Variants in CDHR3 observed in about 807,000 individuals in gnomAD.
The protein encoded by CDHR3 is cadherin related family member 3.
Under a neutral mutation model 86.6 loss-of-function variants are expected in CDHR3, and 79 were observed. That is an observed-to-expected ratio of 0.91 (90% confidence interval 0.76 to 1.10). The LOEUF (loss-of-function observed/expected upper bound fraction) is 1.10, where lower values mean the gene tolerates loss of function less well. Among genes scored for constraint, CDHR3 ranks in the 50% least tolerant of loss-of-function variants. The probability of loss-of-function intolerance (pLI) is 0.00; values close to 1 mark genes in which losing one functional copy is unlikely to be tolerated. For missense variants in CDHR3, 1,081 were observed against 1,077.6 expected (o/e 1.00, Z -0.04); for synonymous variants, 421 against 402.4 (o/e 1.05, Z -0.55).
chr7:105,968,384 T>TG (rs1353376742), intron 1 of CDHR3, among the ~76,000 whole-genome samples: 2 of 152,234 alleles, frequency 1.3e-5, no homozygotes, highest in African/African-American at 4.8e-5. Flanking sequence ...TTTTTTGAGA[T>TG]GGAGTCTTGC....
chr7:106,031,090 C>A (rs1324354755), intron 18 of CDHR3, among the ~76,000 whole-genome samples: 1 of 152,194 alleles, frequency 6.6e-6, no homozygotes, highest in African/African-American at 2.4e-5. Flanking sequence ...TAAAGGCTCA[C>A]GTTCAAGGGC....
At chr7:105,993,496 C>T (rs6957068) in intron 4 of CDHR3, among the ~76,000 whole-genome samples, 1 of 151,258 alleles carries the variant, frequency 6.6e-6, no homozygotes, top group African/African-American at 2.4e-5. Flanking sequence ...ATGGTGAAAC[C>T]CTGTCTCTAC....
In CDHR3 at chr7:106,032,940, A is replaced by T; in HGVS notation, c.*243A>T. 1 of 510,716 alleles carries T rather than the reference A, an allele frequency of 2.0e-6. No homozygotes were observed. The highest frequency in any genetic ancestry group is 3.5e-6 in the Non-Finnish European group (1 of 288,136). 31.6% of individuals were successfully genotyped at this position (510,716 alleles called of 1,614,324 possible). On this transcript the variant is annotated 3_prime_UTR_variant, in exon 19 of 19. Coordinates refer to ENST00000317716, the MANE Select transcript of CDHR3 (RefSeq NM_152750.5). Reference sequence around the variant, plus strand: ...GATTTCAGAACTACCTGTGCTTCTGATAAGCAAGACTGTTAACTTTGGGGT... The same window carrying T: ...GATTTCAGAACTACCTGTGCTTCTGTTAAGCAAGACTGTTAACTTTGGGGT...
chr7:105,969,378 C>T (rs1276581186), intron 1 of CDHR3, among the ~76,000 whole-genome samples: 5 of 115,578 alleles, frequency 4.3e-5, no homozygotes, highest in Non-Finnish European at 8.2e-5. Context: ...CCAGCCTGGG[C>T]GACAGCGAGA....
chr7:106,032,566 C>T lies in CDHR3; in HGVS notation c.2527C>T (p.Leu843=), dbSNP rs764525526. 1 of 1,613,942 alleles carries T rather than the reference C, an allele frequency of 6.2e-7. No individual in the cohort carries two copies. Among genetic ancestry groups the T allele is most frequent in the Non-Finnish European group, 8.5e-7 (1 of 1,179,890 alleles). ...AAGTGCCAACTGGGAAGAAGATGAG[C>T]TGAGTGGCAAAGCGTGGGCTGAGGA... ...LRSANWEEDE[L]SGKAWAEDAG... The change falls in exon 19 of 19, where the codon CTG becomes TTG. Residue 843 remains leucine (L), a synonymous_variant. Transcript: ENST00000317716.
intron 1 of CDHR3, among the ~76,000 whole-genome samples, chr7:105,974,626 C>G (rs2115639246): frequency 6.6e-6 from 1 of 152,214 alleles, no homozygotes; most frequent in Admixed American, 6.5e-5. Flanking sequence ...GTGACAGAAG[C>G]AGATTTCTTG....
intron 2 of CDHR3, among the ~76,000 whole-genome samples, chr7:105,975,767 G>GC (rs1163246633): frequency 1.3e-5 from 2 of 152,110 alleles, no homozygotes; most frequent in Non-Finnish European, 2.9e-5. Flanking sequence ...AGTATTCCCT[G>GC]CCCCCACCTC....
chr7:106,000,499 A>G (rs1832974753), intron 6 of CDHR3, among the ~76,000 whole-genome samples: 1 of 152,150 alleles, frequency 6.6e-6, no homozygotes, highest in South Asian at 2.1e-4. Flanking sequence ...GAGGTACTAT[A>G]CCCCTTTCAA....
intron 13 of CDHR3, 100 bp from the exon 14 acceptor site, chr7:106,022,098 G>C (rs568785719): frequency 2.1e-6 from 3 of 1,428,750 alleles, no homozygotes; most frequent in Admixed American, 3.7e-5. Flanking sequence ...TTGAGGTGTG[G>C]ACATTTGAGA....
At chr7:106,016,192 C>T (rs971742899) in intron 11 of CDHR3, among the ~76,000 whole-genome samples, 167 bp downstream of exon 11, 2 of 152,184 alleles carry the variant, frequency 1.3e-5, no homozygotes, top group African/African-American at 2.4e-5. Context: ...AAATTTTCCT[C>T]GCTGCTGAGG....
intron 2 of CDHR3, among the ~76,000 whole-genome samples, chr7:105,976,225 C>T (rs886869819): frequency 2.6e-5 from 4 of 152,272 alleles, no homozygotes; most frequent in East Asian, 1.9e-4. Context: ...TTATAGAGCA[C>T]GTTGTGTACA....
At chr7:106,003,454 A>T (rs1833496759) in intron 7 of CDHR3, among the ~76,000 whole-genome samples, 1 of 152,188 alleles carries the variant, frequency 6.6e-6, no homozygotes, top group Non-Finnish European at 1.5e-5. Context: ...CATACATCTC[A>T]TCTCAAGTAC....
chr7:106,025,702 G>T (rs1837247475), intron 15 of CDHR3, among the ~76,000 whole-genome samples: 1 of 152,214 alleles, frequency 6.6e-6, no homozygotes, highest in African/African-American at 2.4e-5. Flanking sequence ...ATGGATGAAA[G>T]ACTGTATAAA....
intron 11 of CDHR3, among the ~76,000 whole-genome samples, chr7:106,017,165 T>C (rs527411823): frequency 6.6e-6 from 1 of 152,342 alleles, no homozygotes; most frequent in East Asian, 1.9e-4. Context: ...ACGGGACTTT[T>C]AGACAATACT....
At chr7:105,993,677 CAAAAAAAAAAAA>C (rs55787798) in intron 4 of CDHR3, among the ~76,000 whole-genome samples, 21 of 91,790 alleles carry the variant, frequency 2.3e-4, no homozygotes, top group African/African-American at 7.5e-4. Flanking sequence ...CTCTGTCTCA[CAAAAAAAAAAAA>C]AAAAAAAAAA....
intron 12 of CDHR3, among the ~76,000 whole-genome samples, chr7:106,019,102 C>T (rs1222349343): frequency 6.6e-6 from 1 of 152,210 alleles, no homozygotes; most frequent in Admixed American, 6.5e-5. Context: ...AATGAACTCT[C>T]AGTTAGCAGC....
chr7:106,026,785 C>T (rs1837417268), intron 16 of CDHR3, 90 bp downstream of exon 16: 2 of 1,330,764 alleles, frequency 1.5e-6, no homozygotes, highest in Admixed American at 3.4e-5. Flanking sequence ...AAGAATCAGG[C>T]CGCGATCACA....
chr7:105,975,220 T>C (rs564900971), intron 2 of CDHR3, among the ~76,000 whole-genome samples, 174 bp downstream of exon 2: 1 of 152,320 alleles, frequency 6.6e-6, no homozygotes, highest in African/African-American at 2.4e-5. Context: ...AAGATGCTCG[T>C]GTAGCCTTTG....
In CDHR3 at chr7:106,024,383, C is replaced by G. The variant is rs749034160; in HGVS notation, c.2079C>G (p.Pro693=). Residue 693 remains proline (P), a splice_region_variant and synonymous_variant, in exon 15 of 19, where the codon CCC becomes CCG. Coordinates refer to ENST00000317716, the MANE Select transcript of CDHR3 (RefSeq NM_152750.5). ...CTCCCTGCTCTCTGTTGTTCAAGCC[C>G]AGGGTCACCTATCAGGTCCTGAGGA... ...PTTIITTTPR[P]RVTYQVLRKN... is the part of the protein sequence containing the mutation. 8.7e-6 allele frequency: 14 copies of G among 1,613,882 alleles called. No homozygotes were observed. The highest frequency in any genetic ancestry group is 1.2e-5 in the Non-Finnish European group (14 of 1,179,830).
Sources: gnomAD v4.1 joint callset for allele counts (sites outside exome capture counted in the v4.1 genomes callset) on GRCh38, gnomAD v4.1.1 for gene constraint, MANE v1.5 for transcripts, NCBI Gene and HGNC (gene_info 2026-07-23, HGNC 2026-07-21) for gene names.